The following ARHGAP12 variants were observed in gnomAD, a reference collection of about 807,000 sequenced individuals.
The protein encoded by ARHGAP12 is Rho GTPase activating protein 12, also known as rho GTPase-activating protein 12.
A neutral mutation model predicts 108.6 loss-of-function variants in ARHGAP12; 64 were observed. That is an observed-to-expected ratio of 0.59 (90% confidence interval 0.48 to 0.73). The LOEUF (loss-of-function observed/expected upper bound fraction) is 0.73, where lower values mean the gene tolerates loss of function less well. Among genes scored for constraint, ARHGAP12 ranks in the 30% least tolerant of loss-of-function variants. The probability of loss-of-function intolerance (pLI) is 0.00; values close to 1 mark genes in which losing one functional copy is unlikely to be tolerated. For missense variants in ARHGAP12, 940 were observed against 1,005.9 expected (o/e 0.93, Z 0.89); for synonymous variants, 312 against 337.2 (o/e 0.93, Z 0.82).
intron 3 of ARHGAP12, among the ~76,000 whole-genome samples, chr10:31,862,707 C>CAG (rs1554781370): frequency 3.0e-4 from 3 of 10,048 alleles, no homozygotes; most frequent in African/African-American, 1.4e-3. Flanking sequence ...CACACACAGA[C>CAG]ACACACACAC....
At chr10:31,828,987 AC>A (rs1835728725) in intron 10 of ARHGAP12, among the ~76,000 whole-genome samples, 1 of 152,170 alleles carries the variant, frequency 6.6e-6, no homozygotes, top group South Asian at 2.1e-4. Context: ...CCCCGTCTCT[AC>A]TAAAAATACA....
intron 13 of ARHGAP12, among the ~76,000 whole-genome samples, chr10:31,815,095 T>A (rs1423740371): frequency 1.4e-5 from 2 of 140,504 alleles, no homozygotes; most frequent in Non-Finnish European, 3.0e-5. Flanking sequence ...CAGTCTAGCC[T>A]GGGTGAGAAA....
chr10:31,903,915 A>G (rs574885798), intron 3 of ARHGAP12, among the ~76,000 whole-genome samples: 1 of 152,310 alleles, frequency 6.6e-6, no homozygotes, highest in African/African-American at 2.4e-5. Flanking sequence ...AAATGAGATT[A>G]CCCACCTATC....
chr10:31,920,346 A>T (rs751260162), intron 1 of ARHGAP12, among the ~76,000 whole-genome samples: 3 of 141,604 alleles, frequency 2.1e-5, no homozygotes, highest in Admixed American at 7.3e-5. Context: ...GCTACTAGGG[A>T]GGCTGAGGCA....
intron 3 of ARHGAP12, among the ~76,000 whole-genome samples, chr10:31,902,223 C>T (rs1044524984): frequency 6.6e-6 from 1 of 151,652 alleles, no homozygotes; most frequent in Admixed American, 6.6e-5. Flanking sequence ...AGAAATAGAC[C>T]CACACAAAGG....
At chr10:31,835,307 GCTTA>G (rs1322977156) in intron 9 of ARHGAP12, among the ~76,000 whole-genome samples, 1 of 151,086 alleles carries the variant, frequency 6.6e-6, no homozygotes, top group Non-Finnish European at 1.5e-5. Flanking sequence ...TTTTTGTGTT[GCTTA>G]CTAAGAAAGC....
intron 10 of ARHGAP12, among the ~76,000 whole-genome samples, chr10:31,829,043 T>C (rs1413769791): frequency 6.6e-6 from 1 of 152,058 alleles, no homozygotes; most frequent in African/African-American, 2.4e-5. Flanking sequence ...TCCCAGCTAC[T>C]TGGGAGGCTG....
rs1834861186 is a variant in ARHGAP12 at position 31,807,566 on chromosome 10, C to T, written c.*92G>A. On this transcript the variant is annotated 3_prime_UTR_variant, in exon 20 of 20. Coordinates refer to ENST00000344936, the MANE Select transcript of ARHGAP12 (RefSeq NM_018287.7). ...AAAAAAGTGCAAAATCAAAGAGTCA[C>T]TGCTTGGTCCAAAAAATAAAATACA... is the stretch of plus-strand genomic sequence containing the variant. 1 of 1,342,774 alleles carries T rather than the reference C, an allele frequency of 7.4e-7. No homozygotes were observed. The highest frequency in any genetic ancestry group is 1.5e-5 in the South Asian group (1 of 66,492). The allele number at this position is 1,342,774 out of a possible 1,614,324, so 83.2% of individuals were successfully genotyped here.
chr10:31,808,542 A>G, intron 19 of ARHGAP12, 107 bp downstream of exon 19: 2 of 899,702 alleles, frequency 2.2e-6, no homozygotes, highest in Non-Finnish European at 3.5e-6. Context: ...AAAGACAGCA[A>G]GTAGCATAGC....
intron 10 of ARHGAP12, among the ~76,000 whole-genome samples, chr10:31,827,191 C>A (rs1835647990): frequency 6.6e-6 from 1 of 152,156 alleles, no homozygotes; most frequent in Non-Finnish European, 1.5e-5. Flanking sequence ...GAATATTACA[C>A]CCCAGCCAGA....
chr10:31,870,519 G>A (rs150290284), intron 3 of ARHGAP12, among the ~76,000 whole-genome samples: 257 of 152,104 alleles, frequency 1.7e-3, no homozygotes, highest in South Asian at 3.1e-3. Flanking sequence ...CTGAGCCACC[G>A]GACCCAGCCA....
At chr10:31,815,505 T>C (rs538643098) in intron 13 of ARHGAP12, among the ~76,000 whole-genome samples, 2 of 152,154 alleles carry the variant, frequency 1.3e-5, no homozygotes, top group South Asian at 4.1e-4. Flanking sequence ...CATATGATGG[T>C]GCAAGTCCTT....
rs886681485 is a variant in ARHGAP12, at chr10:31,852,414, G to A, written c.1170+103C>T. Reference sequence around the variant, plus strand: ...AATTCTGAAAAAATTATTCTACTTTGTAAAAGTAGAATAAAGATCTTAAAA... The same window carrying A: ...AATTCTGAAAAAATTATTCTACTTTATAAAAGTAGAATAAAGATCTTAAAA... On this transcript the variant is annotated intron_variant, in intron 6 of 19. Coordinates refer to ENST00000344936, the MANE Select transcript of ARHGAP12 (RefSeq NM_018287.7). 1.5e-5 allele frequency: 15 copies of A among 982,846 alleles called. No homozygotes were observed. In the Admixed American group the frequency reaches 2.2e-4, roughly 14 times the overall value. The allele number at this position is 982,846 out of a possible 1,614,324, so 60.9% of individuals were successfully genotyped here. A position where few individuals can be genotyped will look rare whatever the true frequency, so the allele number is the denominator to read the frequency against.
chr10:31,855,192 A>C (rs530309882), intron 4 of ARHGAP12, among the ~76,000 whole-genome samples: 2 of 152,026 alleles, frequency 1.3e-5, no homozygotes, highest in East Asian at 1.9e-4. Context: ...ATGATATGAT[A>C]AACTGCAGAC....
intron 3 of ARHGAP12, among the ~76,000 whole-genome samples, chr10:31,880,536 T>C (rs1473610211): frequency 6.6e-6 from 1 of 152,096 alleles, no homozygotes; most frequent in Admixed American, 6.6e-5. Flanking sequence ...AAGAATAAGA[T>C]TCTACTTTTG....
chr10:31,890,433 C>A (rs991717654), intron 3 of ARHGAP12, among the ~76,000 whole-genome samples: 1 of 152,064 alleles, frequency 6.6e-6, no homozygotes, highest in Non-Finnish European at 1.5e-5. Context: ...CTTATTTAAG[C>A]CATTATATAG....
intron 1 of ARHGAP12, among the ~76,000 whole-genome samples, chr10:31,912,540 T>A (rs889666373): frequency 1.3e-5 from 2 of 152,160 alleles, no homozygotes; most frequent in Non-Finnish European, 2.9e-5. Context: ...ATAAAGCAAG[T>A]CGGTTTTACT....
In ARHGAP12 at chr10:31,903,248, A is replaced by C. The variant is rs192851886; in HGVS notation, c.684+4924T>G. On this transcript the variant is annotated intron_variant, in intron 3 of 19. Coordinates refer to ENST00000344936, the MANE Select transcript of ARHGAP12 (RefSeq NM_018287.7). ...CTCCTAGGTTACAAAATTGTACAAC[A>C]TATTATTGTACTGAATACTGTAGGC... is the stretch of plus-strand genomic sequence containing the variant. Among the ~76,000 whole-genome samples the C allele has an allele frequency of 5.3e-3, 809 of 152,342 alleles. 3 individuals carry two copies. The highest frequency in any genetic ancestry group is 7.5e-3 in the Non-Finnish European group (507 of 68,022).
intron 3 of ARHGAP12, among the ~76,000 whole-genome samples, chr10:31,874,940 C>A (rs1837670172): frequency 7.8e-6 from 1 of 127,402 alleles, no homozygotes; most frequent in African/African-American, 3.0e-5. Context: ...CGCCACAGCA[C>A]TCCAGACTGG....
Sources: gnomAD v4.1 joint callset for allele counts (sites outside exome capture counted in the v4.1 genomes callset) on GRCh38, gnomAD v4.1.1 for gene constraint, MANE v1.5 for transcripts, NCBI Gene and HGNC (gene_info 2026-07-23, HGNC 2026-07-21) for gene names.